The following HDAC4 variants were observed in gnomAD, a reference collection of about 807,000 sequenced individuals.
HDAC4 encodes histone deacetylase A.
In HDAC4, 16 loss-of-function variants were observed where a neutral mutation model predicts 135.1. That is an observed-to-expected ratio of 0.12 (90% CI 0.08 to 0.18). The LOEUF is 0.18. Ranked by LOEUF, HDAC4 falls within the 10% of genes least tolerant of loss-of-function variation. The pLI is 1.00. For synonymous variants in HDAC4, 685 were observed against 653.4 expected (o/e 1.05, Z -0.74); for missense variants, 1,143 against 1,511.8 (o/e 0.76, Z 4.05).
Position 239,068,778 on chromosome 2 carries a change from G to A in HDAC4, c.2751-171C>T. The A allele has an allele frequency of 1.4e-6, 1 of 695,436 alleles. No homozygotes were observed. Among genetic ancestry groups the A allele is most frequent in the Non-Finnish European group, 2.6e-6 (1 of 379,286 alleles). 43.1% of individuals were successfully genotyped at this position (695,436 alleles called of 1,614,324 possible). ...GGAATCTGGCGACCACGCTTAATTA[G>A]AAGGGAATCAACCCACGTGTGATCC... On this transcript the variant is annotated intron_variant, in intron 22 of 26. Coordinates refer to ENST00000543185, the MANE Select transcript of HDAC4 (RefSeq NM_001378414.1). This position sits in a 1 kb window ranked among gnomAD's most constrained non-coding sequence, Gnocchi z 4.4.
intron 1 of HDAC4, among the ~76,000 whole-genome samples, chr2:239,357,472 G>A (rs912831394): frequency 6.6e-6 from 1 of 151,164 alleles, no homozygotes; most frequent in Non-Finnish European, 1.5e-5. Flanking sequence ...AACAGTAACA[G>A]AAGACAACAG....
chr2:239,292,312 G>A (rs1022912111), intron 2 of HDAC4, among the ~76,000 whole-genome samples: 2 of 152,236 alleles, frequency 1.3e-5, no homozygotes, highest in African/African-American at 4.8e-5. Context: ...AAGACAAGAT[G>A]CCCTCACTCA....
intron 2 of HDAC4, among the ~76,000 whole-genome samples, chr2:239,282,312 T>C (rs1256891932): frequency 1.5e-4 from 21 of 136,736 alleles, no homozygotes; most frequent in Non-Finnish European, 2.8e-4. Flanking sequence ...ACACACAATG[T>C]ACACACCACT....
chr2:239,203,467 G>A (rs903690765), intron 3 of HDAC4, among the ~76,000 whole-genome samples: 3 of 152,170 alleles, frequency 2.0e-5, no homozygotes, highest in African/African-American at 7.2e-5. Flanking sequence ...CAGGATATAA[G>A]AAAGAAACCA....
At chr2:239,246,221 G>A (rs2048449986) in intron 2 of HDAC4, among the ~76,000 whole-genome samples, 1 of 152,194 alleles carries the variant, frequency 6.6e-6, no homozygotes, top group African/African-American at 2.4e-5. Context: ...GGCAAACGCG[G>A]GCAGGAGTGA....
At chr2:239,205,385 T>C (rs2045984011) in intron 3 of HDAC4, among the ~76,000 whole-genome samples, 1 of 151,084 alleles carries the variant, frequency 6.6e-6, no homozygotes, top group Non-Finnish European at 1.5e-5. Flanking sequence ...ACAAAGGAAA[T>C]GCAGTCACAG....
Position 239,176,421 on chromosome 2 carries a change from C to T in HDAC4, c.482G>A (p.Gly161Asp). 1 of 1,612,522 alleles carries T rather than the reference C, an allele frequency of 6.2e-7. No individual in the cohort carries two copies. Among genetic ancestry groups the T allele is most frequent in the East Asian group, 2.2e-5 (1 of 44,808 alleles). The change falls in exon 5 of 27, where the codon GGC becomes GAC. Residue 161 changes from glycine to aspartate, a missense_variant. Physicochemically the swap from Gly to Asp is moderately conservative, Grantham distance 94 (BLOSUM62 -1). Transcript: ENST00000543185. ...TCCGTGCCCACACTCACTCTCTTTG[C>T]CCTTCTCCTTGTTCTTGAGCTGCTG... ...KLQQLKNKEK[G>D]KESAVASTEV... is the part of the protein sequence containing the mutation.
chr2:239,261,073 TTTTG>T (rs2049334357), intron 2 of HDAC4, among the ~76,000 whole-genome samples: 2 of 152,188 alleles, frequency 1.3e-5, no homozygotes, highest in Non-Finnish European at 2.9e-5. Context: ...GTTCTGGATG[TTTTG>T]TTTGTTTCTG....
chr2:239,340,459 G>T (rs1160710199), intron 2 of HDAC4, among the ~76,000 whole-genome samples: 1 of 152,178 alleles, frequency 6.6e-6, no homozygotes, highest in Non-Finnish European at 1.5e-5. Context: ...ATCTCCTAAA[G>T]GCTGGGCTGC....
rs115282717 is a variant in HDAC4 at position 239,358,710 on chromosome 2, T to C, written c.-219-5792A>G. 5.4e-3 allele frequency among the ~76,000 whole-genome samples: 817 copies of C among 152,366 alleles called. 5 individuals carry two copies. Among genetic ancestry groups the C allele is most frequent in the African/African-American group, 0.019 (784 of 41,576 alleles). On this transcript the variant is annotated intron_variant, in intron 1 of 26. Coordinates refer to ENST00000543185, the MANE Select transcript of HDAC4 (RefSeq NM_001378414.1). ...ATCACAAGGTGTATTTTAGTCTTCC[T>C]CTTTCCTTGTTTTTATTAAATATCT... is the stretch of plus-strand genomic sequence containing the variant.
chr2:239,094,091 A>G, intron 17 of HDAC4: 2 of 985,432 alleles, frequency 2.0e-6, no homozygotes, highest in Non-Finnish European at 2.4e-6. Context: ...CACACACTGC[A>G]CCGTTTCGGC....
chr2:239,216,323 A>T (rs1416478336), intron 3 of HDAC4, among the ~76,000 whole-genome samples: 2 of 152,198 alleles, frequency 1.3e-5, no homozygotes, highest in South Asian at 2.1e-4. Flanking sequence ...GAGAAAAAAA[A>T]AAATAAAAGA....
At chr2:239,294,825 C>A (rs971354275) in intron 2 of HDAC4, among the ~76,000 whole-genome samples, 2 of 152,126 alleles carry the variant, frequency 1.3e-5, no homozygotes, top group Non-Finnish European at 2.9e-5. Flanking sequence ...CATGTGAGCA[C>A]CATCCAGGTC....
intron 8 of HDAC4, among the ~76,000 whole-genome samples, chr2:239,142,961 G>A (rs1424910959): frequency 1.6e-4 from 21 of 133,632 alleles, no homozygotes; most frequent in Admixed American, 9.9e-4. Context: ...GCCCTGTGAC[G>A]CATGGCTCCT....
In HDAC4 at chr2:239,352,839, C is replaced by A. The variant is rs1693252909; in HGVS notation, c.-140G>T. 2.4e-6 allele frequency: 2 copies of A among 850,866 alleles called. No homozygotes were observed. The highest frequency in any genetic ancestry group is 4.1e-5 in the Admixed American group (2 of 49,370). 52.7% of individuals were successfully genotyped at this position (850,866 alleles called of 1,614,324 possible). A position where few individuals can be genotyped will look rare whatever the true frequency, so the allele number is the denominator to read the frequency against. ...GGGCTGGGTCACAGACGTTCAAGCGCCGAGCCTCGCCGGCAAGGTCTCATG... is the reference window on the plus strand; with the variant it reads ...GGGCTGGGTCACAGACGTTCAAGCGACGAGCCTCGCCGGCAAGGTCTCATG... On this transcript the variant is annotated 5_prime_UTR_variant, in exon 2 of 27. Transcript: ENST00000543185. The surrounding 1 kb of genome is among the most constrained non-coding windows in gnomAD (Gnocchi z 4.4).
At chr2:239,230,638 C>T (rs1351871496) in intron 3 of HDAC4, among the ~76,000 whole-genome samples, 1 of 152,192 alleles carries the variant, frequency 6.6e-6, no homozygotes, top group Non-Finnish European at 1.5e-5. Context: ...CAGAGATGGC[C>T]GTGGGTCCTT....
At chr2:239,111,764 G>A (rs1307659155) in intron 13 of HDAC4, 52 bp from the exon 14 acceptor site, 4 of 1,500,100 alleles carry the variant, frequency 2.7e-6, no homozygotes, top group Non-Finnish European at 3.6e-6. Context: ...CCCGCCCCTG[G>A]GCTGCAGGGC....
intron 16 of HDAC4, among the ~76,000 whole-genome samples, chr2:239,098,234 TG>T (rs2152749896): frequency 6.6e-6 from 1 of 152,366 alleles, no homozygotes; most frequent in Non-Finnish European, 1.5e-5. Context: ...TCCTGTGGTT[TG>T]GAGCCACAAT....
chr2:239,221,464 G>A (rs1029157078), intron 3 of HDAC4, among the ~76,000 whole-genome samples: 3 of 152,162 alleles, frequency 2.0e-5, no homozygotes, highest in East Asian at 1.9e-4. Flanking sequence ...CAGGAGCTTC[G>A]GAGACCCTGT....
Sources: gnomAD v4.1 joint callset for allele counts (sites outside exome capture counted in the v4.1 genomes callset) on GRCh38, gnomAD v4.1.1 for gene constraint, Gnocchi (gnomAD v3.1) non-coding constraint, MANE v1.5 for transcripts, NCBI Gene and HGNC (gene_info 2026-07-23, HGNC 2026-07-21) for gene names.